EDIL3: variants seen among roughly 807,000 people sequenced by gnomAD.
EDIL3 encodes EGF-like repeat and discoidin I-like domain-containing protein 3.
In EDIL3, 37 loss-of-function variants were observed where a neutral mutation model predicts 67.4. The observed-to-expected ratio is 0.55, with a 90% CI of 0.42 to 0.72. The LOEUF is 0.72. Among genes scored for constraint, EDIL3 ranks in the 30% least tolerant of loss-of-function variants. The pLI is 0.00. For missense variants in EDIL3, 527 were observed against 586.3 expected, an observed-to-expected ratio of 0.90 and a Z score of 1.04; for synonymous variants, 195 against 196.3, an observed-to-expected ratio of 0.99 and a Z score of 0.05.
intron 9 of EDIL3, chr5:84,047,814 G>A (rs1371450967): frequency 1.3e-5 from 2 of 152,128 alleles, no homozygotes; most frequent in African/African-American, 2.4e-5. Flanking sequence ...ATACTACATT[G>A]ATATTGGCTG....
chr5:84,228,981 C>T (rs982379253), intron 3 of EDIL3, among the ~76,000 whole-genome samples: 3 of 152,148 alleles, frequency 2.0e-5, no homozygotes, highest in African/African-American at 7.2e-5. Flanking sequence ...TTCTCAGTTA[C>T]TAAAAAGAAT....
At chr5:84,180,612 A>G in intron 3 of EDIL3, 91 bp from the exon 4 acceptor site, 1 of 1,367,028 alleles carries the variant, frequency 7.3e-7, no homozygotes, top group Non-Finnish European at 9.6e-7. Context: ...TTTACAGAAA[A>G]AAGTGTTCTA....
At chr5:84,155,564 G>A (rs978019925) in intron 4 of EDIL3, among the ~76,000 whole-genome samples, 3 of 152,044 alleles carry the variant, frequency 2.0e-5, no homozygotes, top group Non-Finnish European at 2.9e-5. Context: ...AATTAGTCCC[G>A]TGCTGAATAT....
chr5:84,245,869 T>A (rs1744898699), intron 2 of EDIL3, among the ~76,000 whole-genome samples: 1 of 151,270 alleles, frequency 6.6e-6, no homozygotes, highest in Non-Finnish European at 1.5e-5. Context: ...TGATATTACC[T>A]TCAATTTTCA....
chr5:84,054,513 C>A (rs1203177782), intron 9 of EDIL3, among the ~76,000 whole-genome samples: 1 of 152,162 alleles, frequency 6.6e-6, no homozygotes, highest in Non-Finnish European at 1.5e-5. Context: ...AAGAGGAAGT[C>A]AAATTGTCCC....
intron 4 of EDIL3, among the ~76,000 whole-genome samples, chr5:84,140,840 C>T (rs1294796474): frequency 1.3e-5 from 2 of 152,064 alleles, no homozygotes; most frequent in Non-Finnish European, 2.9e-5. Context: ...CCCAGTAATA[C>T]ACAAGCTTAG....
intron 1 of EDIL3, among the ~76,000 whole-genome samples, chr5:84,308,291 G>C (rs959460064): frequency 1.3e-5 from 2 of 152,122 alleles, no homozygotes; most frequent in Admixed American, 6.5e-5. Flanking sequence ...TTTTGAAAAC[G>C]CTGAGTGTGA....
chr5:84,383,412 G>A (rs934806029), intron 1 of EDIL3, among the ~76,000 whole-genome samples: 2 of 152,206 alleles, frequency 1.3e-5, no homozygotes, highest in African/African-American at 4.8e-5. Context: ...TACTCCAGCA[G>A]GACACTCGTC....
intron 6 of EDIL3, among the ~76,000 whole-genome samples, chr5:84,102,453 A>G (rs1261456643): frequency 6.6e-6 from 1 of 151,982 alleles, no homozygotes; most frequent in African/African-American, 2.4e-5. Context: ...AGGAAACCCC[A>G]CAGTCTAGGC....
intron 3 of EDIL3, among the ~76,000 whole-genome samples, chr5:84,222,655 CA>C (rs1457708687): frequency 2.0e-5 from 3 of 151,830 alleles, no homozygotes; most frequent in East Asian, 3.9e-4. Flanking sequence ...ATATGATTGT[CA>C]AAAGGATTAT....
intron 9 of EDIL3, among the ~76,000 whole-genome samples, chr5:84,016,916 G>A (rs1165037415): frequency 6.6e-6 from 1 of 152,194 alleles, no homozygotes; most frequent in Non-Finnish European, 1.5e-5. Context: ...GACATCTGAA[G>A]TGCACTGATT....
intron 6 of EDIL3, among the ~76,000 whole-genome samples, chr5:84,080,936 G>A (rs1159960927): frequency 3.3e-5 from 5 of 152,178 alleles, no homozygotes; most frequent in African/African-American, 1.2e-4. Flanking sequence ...TCTGAATGCT[G>A]GTTAGCCTTT....
At position 84,078,705 on chromosome 5, in the gene EDIL3, T is replaced by C. The variant is rs988189684; in HGVS notation, c.652-12099A>G. 7 of 152,116 alleles carry C rather than the reference T, an allele frequency of 4.6e-5. 1 individual carries two copies. Among genetic ancestry groups the C allele is most frequent in the African/African-American group, 1.7e-4 (7 of 41,474 alleles). 9.4% of individuals were successfully genotyped at this position (152,116 alleles called of 1,614,324 possible). On this transcript the variant is annotated intron_variant, in intron 6 of 10. Coordinates refer to ENST00000296591, the MANE Select transcript of EDIL3 (RefSeq NM_005711.5). ...CAGTGCTGGCAGGTGAGATCTGAAGTGGGGGAAAAATCATTGGTTTCTCCT... is the reference window on the plus strand; with the variant it reads ...CAGTGCTGGCAGGTGAGATCTGAAGCGGGGGAAAAATCATTGGTTTCTCCT...
chr5:84,063,884 A>G (rs1055080422), intron 8 of EDIL3, among the ~76,000 whole-genome samples: 1 of 152,212 alleles, frequency 6.6e-6, no homozygotes, highest in Non-Finnish European at 1.5e-5. Context: ...CAGCAAAGAT[A>G]GTTTGTAAAT....
At chr5:84,095,488 A>G (rs898377040) in intron 6 of EDIL3, among the ~76,000 whole-genome samples, 2 of 152,184 alleles carry the variant, frequency 1.3e-5, no homozygotes, top group African/African-American at 4.8e-5. Context: ...CTTGCTGGGA[A>G]CTGGAGCAAA....
At chr5:84,069,695 G>T (rs1746702152) in intron 6 of EDIL3, among the ~76,000 whole-genome samples, 2 of 152,126 alleles carry the variant, frequency 1.3e-5, no homozygotes, top group Non-Finnish European at 2.9e-5. Flanking sequence ...TGGCGACAGG[G>T]AAGTGCTGGG....
At chr5:84,121,538 GATCTATCTATCTATCT>G (rs3046833) in intron 5 of EDIL3, among the ~76,000 whole-genome samples, 36 of 129,906 alleles carry the variant, frequency 2.8e-4, no homozygotes, top group Non-Finnish European at 5.1e-4. Context: ...AACTTAGATC[GATCTATCTATCTATCT>G]ATCTATCTAT....
At chr5:84,145,053 T>C (rs1266198533) in intron 4 of EDIL3, among the ~76,000 whole-genome samples, 2 of 152,262 alleles carry the variant, frequency 1.3e-5, no homozygotes, top group East Asian at 3.9e-4. Flanking sequence ...TAATTGGATA[T>C]ATCTGTAAAT....
chr5:84,221,003 G>A (rs777341501), intron 3 of EDIL3, among the ~76,000 whole-genome samples: 22 of 152,084 alleles, frequency 1.4e-4, no homozygotes, highest in Non-Finnish European at 2.5e-4. Flanking sequence ...AAATATCATT[G>A]AGCCAACCAT....
Sources: gnomAD v4.1 joint callset for allele counts (sites outside exome capture counted in the v4.1 genomes callset) on GRCh38, gnomAD v4.1.1 for gene constraint, MANE v1.5 for transcripts, NCBI Gene and HGNC (gene_info 2026-07-23, HGNC 2026-07-21) for gene names.